ZAN: variants seen among roughly 807,000 people sequenced by gnomAD.
The protein encoded by ZAN is zonadhesin, also known as zonadhesin (gene/pseudogene).
Under a neutral mutation model 286.2 loss-of-function variants are expected in ZAN, and 260 were observed. The observed-to-expected ratio is 0.91, with a 90% CI of 0.82 to 1.01. The LOEUF (loss-of-function observed/expected upper bound fraction) is 1.01, where lower values mean the gene tolerates loss of function less well. Ranked by LOEUF, ZAN falls within the 50% of genes least tolerant of loss-of-function variation. The pLI is 0.00. For synonymous variants in ZAN, 1,368 were observed against 1,417.5 expected (o/e 0.97, Z 0.79); for missense variants, 3,410 against 3,639.2 (o/e 0.94, Z 1.62).
intron 7 of ZAN, among the ~76,000 whole-genome samples, chr7:100,745,263 TCTC>T (rs1319549418): frequency 3.3e-5 from 5 of 151,474 alleles, no homozygotes; most frequent in African/African-American, 9.7e-5. Flanking sequence ...TTTCCTTTCT[TCTC>T]CTTCCTCCCG....
intron 27 of ZAN, among the ~76,000 whole-genome samples, 196 bp from the exon 28 acceptor site, chr7:100,769,684 A>G (rs1810247174): frequency 6.6e-6 from 1 of 151,906 alleles, no homozygotes; most frequent in Non-Finnish European, 1.5e-5. Flanking sequence ...AGCTGGGACT[A>G]TAGGCACATG....
chr7:100,782,721 TGAA>T (rs1470802431), intron 35 of ZAN, among the ~76,000 whole-genome samples: 3 of 151,822 alleles, frequency 2.0e-5, no homozygotes, highest in Non-Finnish European at 4.4e-5. Context: ...TTTTGACCCA[TGAA>T]GATTTATCCT....
chr7:100,765,689 G>C, intron 23 of ZAN, 135 bp downstream of exon 23: 1 of 1,190,274 alleles, frequency 8.4e-7, no homozygotes, highest in Non-Finnish European at 1.1e-6. Context: ...TTGCTCTGTC[G>C]CCAGGCTGGA....
intron 20 of ZAN, 58 bp downstream of exon 20, chr7:100,762,416 T>G (rs563068176): frequency 6.1e-5 from 68 of 1,119,672 alleles, no homozygotes; most frequent in Non-Finnish European, 7.9e-5. Flanking sequence ...TTCCTGGAAC[T>G]CTCTTTTTTT....
chr7:100,743,994 G>A (rs1363023988), intron 7 of ZAN, among the ~76,000 whole-genome samples: 1 of 150,998 alleles, frequency 6.6e-6, no homozygotes, highest in Non-Finnish European at 1.5e-5. Flanking sequence ...TTGAAGTACA[G>A]GTGTGAGCTG....
rs747399922 is a variant in ZAN at position 100,764,088 on chromosome 7, G to A, written c.4159G>A (p.Gly1387Arg). The stretch of plus-strand genomic sequence containing the variant: ...CGACAGCTGCATGCTTGATATGTGC[G>A]GATTCCAGGGGCTGCAGCACCTGCT... The part of the protein sequence containing the change: ...FFDSCMLDMC[G>R]FQGLQHLLCT... The change falls in exon 22 of 48, where the codon GGA becomes AGA. Residue 1387 changes from glycine to arginine, a missense_variant. By Grantham distance (125) the Gly-to-Arg change is moderately radical. Transcript: ENST00000613979. The A allele has an allele frequency of 6.4e-5, 103 of 1,613,686 alleles. No homozygotes were observed. The highest frequency in any genetic ancestry group is 3.2e-4 in the Admixed American group (19 of 59,972).
Position 100,758,526 on chromosome 7 carries a change from C to T in ZAN, c.3452-5C>T, listed in dbSNP as rs1454980443. On this transcript the variant is annotated splice_region_variant and splice_polypyrimidine_tract_variant and intron_variant, in intron 16 of 47. Transcript: ENST00000613979. Reference sequence around the variant, plus strand: ...AGCTTCGCCTGTTCTCCTTCCCCCTCCCAGCAGGCACTGCCACCTGCTTGG... The same window carrying T: ...AGCTTCGCCTGTTCTCCTTCCCCCTTCCAGCAGGCACTGCCACCTGCTTGG... The T allele has an allele frequency of 1.9e-6, 3 of 1,556,596 alleles. No homozygotes were observed. The highest frequency in any genetic ancestry group is 1.2e-5 in the South Asian group (1 of 84,446).
rs377076232 is a variant in ZAN, at chr7:100,758,607, C to T, written c.3528C>T (p.Gly1176=). 4 of 1,563,624 alleles carry T rather than the reference C, an allele frequency of 2.6e-6. No individual in the cohort carries two copies. The African/African-American group carries it at 5.4e-5, about 21-fold the overall frequency. The stretch of plus-strand genomic sequence containing the variant: ...ACGGGAGGCACTTTGGCTTCATGGG[C>T]AAGTGCACTTACATCTTGGCCCAGC... ...TFDGRHFGFM[G]KCTYILAQPC... is the part of the protein sequence containing the mutation. Residue 1176 remains glycine, a synonymous_variant, in exon 17 of 48, where the codon GGC becomes GGT. Transcript: ENST00000613979.
intron 11 of ZAN, among the ~76,000 whole-genome samples, chr7:100,750,089 C>CACAT (rs1424131255): frequency 6.7e-6 from 1 of 150,334 alleles, no homozygotes; most frequent in Admixed American, 6.7e-5. Flanking sequence ...CACACACACA[C>CACAT]ACACACACAC....
Position 100,752,452 on chromosome 7 carries a change from C to G in ZAN, c.2347C>G (p.Pro783Ala), listed in dbSNP as rs201732546. The change falls in exon 14 of 48, where the codon CCC becomes GCC. Residue 783 changes from proline (P) to alanine (A), a missense_variant. By Grantham distance (27) the Pro-to-Ala change is conservative. Coordinates refer to ENST00000613979, the MANE Select transcript of ZAN (RefSeq NM_003386.3). Reference sequence around the variant, plus strand: ...CATCCCCACAGAAAAACCCACCATCCCCACAGAAAAACCCACCATTCCCAC... The same window carrying G: ...CATCCCCACAGAAAAACCCACCATCGCCACAGAAAAACCCACCATTCCCAC... ...LTIPTEKPTIPTEKPTIPTEK... is the reference protein window; with the variant it reads ...LTIPTEKPTIATEKPTIPTEK... 1 of 1,575,882 alleles carries G rather than the reference C, an allele frequency of 6.3e-7. No homozygotes were observed. The highest frequency in any genetic ancestry group is 1.7e-5 in the Admixed American group (1 of 57,704).
intron 27 of ZAN, 76 bp from the exon 28 acceptor site, chr7:100,769,804 C>T (rs1379782889): frequency 6.6e-6 from 9 of 1,371,488 alleles, no homozygotes; most frequent in Non-Finnish European, 8.1e-6. Flanking sequence ...GCCTTGGCTT[C>T]CCAAAGTGCT....
intron 39 of ZAN, among the ~76,000 whole-genome samples, chr7:100,790,233 C>T (rs1811848412): frequency 6.6e-6 from 1 of 152,050 alleles, no homozygotes; most frequent in Non-Finnish European, 1.5e-5. Flanking sequence ...CACTGTACTC[C>T]AGACTGGGCA....
At chr7:100,745,286 G>A (rs1044743037) in intron 7 of ZAN, among the ~76,000 whole-genome samples, 13 of 150,844 alleles carry the variant, frequency 8.6e-5, no homozygotes, top group Non-Finnish European at 1.8e-4. Context: ...GCCCATTCCC[G>A]CCATTCCAGC....
At position 100,752,390 on chromosome 7, in the gene ZAN, C is replaced by A. The variant is rs1466459342; in HGVS notation, c.2285C>A (p.Pro762His). The A allele has an allele frequency of 6.4e-7, 1 of 1,562,052 alleles. No individual in the cohort carries two copies. Among genetic ancestry groups the A allele is most frequent in the South Asian group, 1.2e-5 (1 of 86,482 alleles). ...PTISPEKPTT[P>H]TEKPTISPEK... Reference sequence around the variant, plus strand: ...ATCTCCCCAGAAAAACCCACCACCCCCACAGAAAAACCCACCATCTCCCCA... The same window carrying A: ...ATCTCCCCAGAAAAACCCACCACCCACACAGAAAAACCCACCATCTCCCCA... Residue 762 changes from proline (P) to histidine (H), a missense_variant, in exon 14 of 48, where the codon CCC becomes CAC. Pro to His is a moderately conservative substitution (Grantham distance 77). Transcript: ENST00000613979.
chr7:100,761,655 T>C (rs934973613), intron 19 of ZAN, among the ~76,000 whole-genome samples: 1 of 150,504 alleles, frequency 6.6e-6, no homozygotes, highest in Non-Finnish European at 1.5e-5. Flanking sequence ...AAAAAATAAA[T>C]AAATAATTTG....
intron 24 of ZAN, among the ~76,000 whole-genome samples, 161 bp from the exon 25 acceptor site, chr7:100,766,849 G>A (rs2116044428): frequency 6.6e-6 from 1 of 152,302 alleles, no homozygotes; most frequent in Middle Eastern, 3.4e-3. Flanking sequence ...TTTCTCTTAG[G>A]CAGCTCCAAG....
chr7:100,767,960 G>T lies in ZAN; in HGVS notation c.4990G>T (p.Val1664Leu), dbSNP rs1340901774. 1 of 1,613,954 alleles carries T rather than the reference G, an allele frequency of 6.2e-7. No individual in the cohort carries two copies. The highest frequency in any genetic ancestry group is 1.7e-5 in the Admixed American group (1 of 59,980). Residue 1664 changes from valine (V) to leucine (L), a missense_variant, in exon 26 of 48, where the codon GTG becomes TTG. Transcript: ENST00000613979. ...LQVRYDGSHL[V>L]EVTVPSSYGG... Reference sequence around the variant, plus strand: ...AGTTCGCTACGACGGGAGCCACTTGGTGGAAGTGACAGTCCCCTCCTCCTA... The same window carrying T: ...AGTTCGCTACGACGGGAGCCACTTGTTGGAAGTGACAGTCCCCTCCTCCTA...
Position 100,767,935 on chromosome 7 carries a change from AGTTC to A in ZAN, c.4967_4970del (p.Val1656AlafsTer10). 1 of 1,613,944 alleles carries A rather than the reference AGTTC, an allele frequency of 6.2e-7. No homozygotes were observed. The highest frequency in any genetic ancestry group is 8.5e-7 in the Non-Finnish European group (1 of 1,179,876). On this transcript the variant is annotated frameshift_variant, in exon 26 of 48. Coordinates refer to ENST00000613979, the MANE Select transcript of ZAN (RefSeq NM_003386.3). LOFTEE classifies it high-confidence loss of function. ...TCCTCTACACGAACTTTGGGCTCCA[AGTTC>A]GCTACGACGGGAGCCACTTGGTGGA... is the stretch of plus-strand genomic sequence containing the variant.
chr7:100,736,570 G>A lies in ZAN; in HGVS notation c.194G>A (p.Arg65Gln), dbSNP rs747311217. ...QVSADDEDWV[R>Q]ASGPSPTGST... is the part of the protein sequence containing the mutation. The stretch of plus-strand genomic sequence containing the variant: ...TCCGCAGACGATGAAGACTGGGTTC[G>A]AGCCAGTGGGCCCTCTCCCACCGGC... The change falls in exon 4 of 48, where the codon CGA becomes CAA. Residue 65 changes from arginine (R) to glutamine (Q), a missense_variant. Coordinates refer to ENST00000613979, the MANE Select transcript of ZAN (RefSeq NM_003386.3). 6 of 1,523,192 alleles carry A rather than the reference G, an allele frequency of 3.9e-6. No homozygotes were observed. In the South Asian group the frequency reaches 6.8e-5, roughly 17 times the overall value. 94.4% of individuals were successfully genotyped at this position (1,523,192 alleles called of 1,614,324 possible). A position where few individuals can be genotyped will look rare whatever the true frequency, so the allele number is the denominator to read the frequency against.
Sources: gnomAD v4.1 joint callset for allele counts (sites outside exome capture counted in the v4.1 genomes callset) on GRCh38, gnomAD v4.1.1 for gene constraint, MANE v1.5 for transcripts, NCBI Gene and HGNC (gene_info 2026-07-23, HGNC 2026-07-21) for gene names.